The following MSR1 variants were observed in gnomAD, a reference collection of about 807,000 sequenced individuals.
MSR1 encodes macrophage scavenger receptor 1.
Under a neutral mutation model 47.2 loss-of-function variants are expected in MSR1, and 53 were observed. The observed-to-expected ratio is 1.12, with a 90% confidence interval of 0.90 to 1.41. MSR1 has a LOEUF of 1.41. MSR1 is among the 40% of genes most tolerant of loss of function. MSR1 has a pLI of 0.00. For synonymous variants in MSR1, 239 were observed against 185.6 expected (o/e 1.29, Z -2.34); for missense variants, 786 against 546.9 (o/e 1.44, Z -4.36).
chr8:16,178,653 A>C (rs1400966313), intron 1 of MSR1, among the ~76,000 whole-genome samples: 1 of 152,166 alleles, frequency 6.6e-6, no homozygotes, highest in East Asian at 1.9e-4. Context: ...CGGTATTTCT[A>C]GTTCTAAATC....
chr8:16,131,297 G>A (rs1402535176), intron 8 of MSR1, among the ~76,000 whole-genome samples: 1 of 151,976 alleles, frequency 6.6e-6, no homozygotes, highest in African/African-American at 2.4e-5. Context: ...TTTGAAAATT[G>A]TCTGTTCATG....
chr8:16,158,443 T>C (rs192890459), intron 5 of MSR1, among the ~76,000 whole-genome samples: 18 of 152,124 alleles, frequency 1.2e-4, no homozygotes, highest in Non-Finnish European at 2.2e-4. Flanking sequence ...GTGTATCATA[T>C]CATTTAAAAT....
rs2117041127 is a variant in MSR1, at chr8:16,109,702, T to G, written c.*383A>C. The G allele has an allele frequency of 4.8e-6, 1 of 209,936 alleles. No homozygotes were observed. The highest frequency in any genetic ancestry group is 1.2e-4 in the East Asian group (1 of 8,368). 13.0% of individuals were successfully genotyped at this position (209,936 alleles called of 1,614,324 possible). A position where few individuals can be genotyped will look rare whatever the true frequency, so the allele number is the denominator to read the frequency against. On this transcript the variant is annotated 3_prime_UTR_variant, in exon 10 of 10. Transcript: ENST00000262101. ...TATTCAGAAAGTAATTAAAATCAACTAAATAGATTACAAAGACAAGAAGAG... is the reference window on the plus strand; with the variant it reads ...TATTCAGAAAGTAATTAAAATCAACGAAATAGATTACAAAGACAAGAAGAG...
chr8:16,168,917 T>G, intron 3 of MSR1, 47 bp from the exon 4 acceptor site: 1 of 1,541,320 alleles, frequency 6.5e-7, no homozygotes, highest in Non-Finnish European at 8.9e-7. Flanking sequence ...GATCCTTGAA[T>G]GCATACAGGA....
At position 16,109,771 on chromosome 8, in the gene MSR1, C is replaced by T. The variant is rs111879567; in HGVS notation, c.*314G>A. ...TGGTGAACATATTATGAATTGGAGCCAATTACTGGTATGCATTTCTATTAC... is the reference window on the plus strand; with the variant it reads ...TGGTGAACATATTATGAATTGGAGCTAATTACTGGTATGCATTTCTATTAC... On this transcript the variant is annotated 3_prime_UTR_variant, in exon 10 of 10. Transcript: ENST00000262101. 15 of 309,288 alleles carry T rather than the reference C, an allele frequency of 4.8e-5. 1 individual carries two copies. The highest frequency in any genetic ancestry group is 3.0e-4 in the African/African-American group (14 of 46,410). 19.2% of individuals were successfully genotyped at this position (309,288 alleles called of 1,614,324 possible).
At chr8:16,183,131 T>C (rs866790396) in intron 1 of MSR1, among the ~76,000 whole-genome samples, 23 of 152,272 alleles carry the variant, frequency 1.5e-4, no homozygotes, top group Middle Eastern at 3.4e-3. Flanking sequence ...TGCATGTCTA[T>C]AACCAGAAAA....
At chr8:16,185,841 T>C (rs1801980889) in intron 1 of MSR1, among the ~76,000 whole-genome samples, 1 of 146,992 alleles carries the variant, frequency 6.8e-6, no homozygotes, top group Admixed American at 6.9e-5. Context: ...GATACCTTTT[T>C]TCAGGAAAAA....
At chr8:16,134,514 C>T (rs183103008) in intron 8 of MSR1, among the ~76,000 whole-genome samples, 2 of 152,216 alleles carry the variant, frequency 1.3e-5, no homozygotes, top group African/African-American at 4.8e-5. Flanking sequence ...GACTGCTCCA[C>T]CAACTGGCTG....
intron 7 of MSR1, 69 bp downstream of exon 7, chr8:16,150,162 A>ATATATATG (rs1239645652): frequency 6.8e-4 from 189 of 277,818 alleles, no homozygotes; most frequent in African/African-American, 4.1e-3. Context: ...ATATATATAT[A>ATATATATG]TATATATATA....
intron 1 of MSR1, among the ~76,000 whole-genome samples, chr8:16,192,308 C>T (rs543351773): frequency 1.8e-4 from 27 of 151,950 alleles, no homozygotes; most frequent in Admixed American, 5.3e-4. Context: ...TATGAAAAAA[C>T]CCCATTGCTG....
intron 1 of MSR1, among the ~76,000 whole-genome samples, chr8:16,180,747 C>G (rs562343644): frequency 8.0e-4 from 122 of 152,236 alleles, no homozygotes; most frequent in African/African-American, 2.9e-3. Flanking sequence ...TGACTCAACT[C>G]CTGTCAATAT....
intron 9 of MSR1, among the ~76,000 whole-genome samples, chr8:16,115,223 G>A (rs1355910549): frequency 6.6e-6 from 1 of 152,130 alleles, no homozygotes; most frequent in African/African-American, 2.4e-5. Flanking sequence ...TGGTAATGAT[G>A]TACAATATGA....
rs778652785 is a variant in MSR1 at position 16,164,099 on chromosome 8, A to G, written c.783T>C (p.His261=). The part of the protein sequence containing the change: ...TNDLRLKDWE[H]SQTLRNITLI... The stretch of plus-strand genomic sequence containing the variant: ...AAGTGATATTTCTCAAGGTCTGAGA[A>G]TGTTCCCAATCTTTCAGTCTGAGAT... The change falls in exon 5 of 10, where the codon CAT becomes CAC. Residue 261 remains histidine (H), a synonymous_variant. Coordinates refer to ENST00000262101, the MANE Select transcript of MSR1 (RefSeq NM_138715.3). 1.2e-6 allele frequency: 2 copies of G among 1,610,880 alleles called. No homozygotes were observed. The highest frequency in any genetic ancestry group is 1.7e-6 in the Non-Finnish European group (2 of 1,178,024).
chr8:16,113,875 C>G (rs1046603015), intron 9 of MSR1, among the ~76,000 whole-genome samples: 2 of 151,704 alleles, frequency 1.3e-5, no homozygotes, highest in East Asian at 3.9e-4. Context: ...TGAATCTTGA[C>G]CCTTCTTCCC....
intron 8 of MSR1, chr8:16,140,986 C>A (rs1398207446): frequency 6.2e-7 from 1 of 1,613,808 alleles, no homozygotes; most frequent in African/African-American, 1.3e-5. Flanking sequence ...GGATGTCCCG[C>A]CCAACCCACC....
At position 16,176,405 on chromosome 8, in the gene MSR1, G is replaced by A. The variant is rs1484747; in HGVS notation, c.104-1105C>T. Among the ~76,000 whole-genome samples, 842 of 151,976 alleles carry A rather than the reference G, an allele frequency of 5.5e-3. 10 individuals carry two copies. The highest frequency in any genetic ancestry group is 0.018 in the African/African-American group (759 of 41,450). On this transcript the variant is annotated intron_variant, in intron 2 of 9. Coordinates refer to ENST00000262101, the MANE Select transcript of MSR1 (RefSeq NM_138715.3). ...CCCTGTAACCCAAGATACTTACGAG[G>A]CTGAGGTAGGAGAATTGCTTGAGCC...
At chr8:16,166,970 T>C (rs796922071) in intron 4 of MSR1, among the ~76,000 whole-genome samples, 83 of 140,116 alleles carry the variant, frequency 5.9e-4, no homozygotes, top group African/African-American at 2.1e-3. Flanking sequence ...CACACACACA[T>C]GCACGCACTG....
chr8:16,178,817 T>A (rs1334839103), intron 1 of MSR1, among the ~76,000 whole-genome samples: 1 of 152,150 alleles, frequency 6.6e-6, no homozygotes, highest in Non-Finnish European at 1.5e-5. Context: ...TGAGATGGTA[T>A]CTCATTGTGG....
At chr8:16,154,165 C>G (rs1459003035) in intron 6 of MSR1, among the ~76,000 whole-genome samples, 3 of 151,788 alleles carry the variant, frequency 2.0e-5, no homozygotes, top group African/African-American at 7.3e-5. Context: ...AGTCAATACA[C>G]TGATCAGAAA....
Sources: allele counts gnomAD v4.1 joint callset (sites outside exome capture counted in the v4.1 genomes callset), GRCh38; gene constraint gnomAD v4.1.1; transcripts MANE v1.5; gene names NCBI Gene and HGNC (gene_info 2026-07-23, HGNC 2026-07-21).